OSBP2: variants seen among roughly 807,000 people sequenced by gnomAD.
OSBP2 encodes the protein oxysterol-binding protein 2.
Under a neutral mutation model 96.0 loss-of-function variants are expected in OSBP2, and 66 were observed. The observed-to-expected ratio is 0.69, with a 90% CI of 0.56 to 0.84. The LOEUF is 0.84. Ranked by LOEUF, OSBP2 falls within the 40% of genes least tolerant of loss-of-function variation. OSBP2 has a pLI of 0.00. For missense variants in OSBP2, 1,038 were observed against 1,222.7 expected (o/e 0.85, Z 2.25); for synonymous variants, 525 against 520.9 (o/e 1.01, Z -0.11).
At chr22:30,840,887 A>G (rs752688656) in intron 2 of OSBP2, among the ~76,000 whole-genome samples, 1 of 152,016 alleles carries the variant, frequency 6.6e-6, no homozygotes, top group Non-Finnish European at 1.5e-5. Context: ...AACGTGGGCT[A>G]GGCGAGGTGA....
chr22:30,887,693 C>G, intron 4 of OSBP2, 75 bp downstream of exon 4: 3 of 1,265,868 alleles, frequency 2.4e-6, no homozygotes, highest in Non-Finnish European at 3.3e-6. Context: ...TTCTGCGCCC[C>G]CACATGCACA....
At chr22:30,696,429 G>T (rs1309679346) in intron 1 of OSBP2, among the ~76,000 whole-genome samples, 1 of 152,132 alleles carries the variant, frequency 6.6e-6, no homozygotes, top group East Asian at 1.9e-4. Context: ...CCTCCCCAAT[G>T]AATTTCTGTT....
At chr22:30,800,502 G>A (rs1386401325) in intron 2 of OSBP2, among the ~76,000 whole-genome samples, 1 of 152,164 alleles carries the variant, frequency 6.6e-6, no homozygotes, top group Non-Finnish European at 1.5e-5. Flanking sequence ...GGCGGACGGG[G>A]GATTTGCTTT....
At position 30,881,212 on chromosome 22, in the gene OSBP2, G is replaced by T. The variant is rs1254382578; in HGVS notation, c.1108-6214G>T. Among the ~76,000 whole-genome samples the T allele has an allele frequency of 6.6e-6, 1 of 152,130 alleles. No homozygotes were observed. The highest frequency in any genetic ancestry group is 1.9e-4 in the East Asian group (1 of 5,186). The stretch of plus-strand genomic sequence containing the variant: ...ACCAGAACCCTCTGTGCAGCACTTG[G>T]GGGTAGGCAGAAGGGGCAGGGCCAG... On this transcript the variant is annotated intron_variant, in intron 3 of 13. Transcript: ENST00000332585. The surrounding 1 kb of genome is among the most constrained non-coding windows in gnomAD (Gnocchi z 4.5).
At chr22:30,756,227 C>G (rs1185691821) in intron 2 of OSBP2, among the ~76,000 whole-genome samples, 10 of 152,272 alleles carry the variant, frequency 6.6e-5, no homozygotes, top group African/African-American at 2.4e-4. Context: ...GGGGTGAGTT[C>G]TTCCTCTCTC....
intron 2 of OSBP2, among the ~76,000 whole-genome samples, chr22:30,838,032 A>AT (rs897043568): frequency 1.3e-5 from 2 of 152,128 alleles, no homozygotes; most frequent in Non-Finnish European, 2.9e-5. Flanking sequence ...CGAGGTACAT[A>AT]TTTTTTCTAT....
chr22:30,814,659 C>G (rs2091058545), intron 2 of OSBP2, among the ~76,000 whole-genome samples: 1 of 152,068 alleles, frequency 6.6e-6, no homozygotes, highest in African/African-American at 2.4e-5. Context: ...AAACTCCTGA[C>G]CTCAGGTGAT....
chr22:30,734,084 C>T (rs1223765340), intron 1 of OSBP2, among the ~76,000 whole-genome samples: 2 of 152,100 alleles, frequency 1.3e-5, no homozygotes, highest in Admixed American at 6.6e-5. Flanking sequence ...AAACGACTCT[C>T]CTGCCTCAGC....
intron 2 of OSBP2, among the ~76,000 whole-genome samples, chr22:30,762,917 T>C (rs2090224048): frequency 6.6e-6 from 1 of 152,178 alleles, no homozygotes; most frequent in African/African-American, 2.4e-5. Context: ...CCTAGAAGCT[T>C]CAATTCTGTG....
At chr22:30,791,756 T>A (rs2090679312) in intron 2 of OSBP2, among the ~76,000 whole-genome samples, 1 of 152,084 alleles carries the variant, frequency 6.6e-6, no homozygotes, top group Non-Finnish European at 1.5e-5. Context: ...AATGGAAGAG[T>A]GTCTTAGCTA....
chr22:30,780,871 T>A (rs531743969), intron 2 of OSBP2, among the ~76,000 whole-genome samples: 2 of 152,210 alleles, frequency 1.3e-5, no homozygotes, highest in Non-Finnish European at 2.9e-5. Flanking sequence ...ACGACTCAAA[T>A]GTAAAAACCT....
chr22:30,859,600 C>T (rs979435490), intron 2 of OSBP2, among the ~76,000 whole-genome samples: 3 of 152,102 alleles, frequency 2.0e-5, no homozygotes, highest in East Asian at 3.9e-4. Context: ...CACATGCCAA[C>T]GAGGGCTGAA....
chr22:30,874,954 T>G (rs1477327737), intron 3 of OSBP2, among the ~76,000 whole-genome samples: 1 of 152,188 alleles, frequency 6.6e-6, no homozygotes, highest in Admixed American at 6.5e-5. Context: ...CCCAGTGGGC[T>G]TTGTGCTCCC....
chr22:30,865,090 A>G (rs1437038004), intron 2 of OSBP2, among the ~76,000 whole-genome samples: 1 of 152,174 alleles, frequency 6.6e-6, no homozygotes. Context: ...AAAAAGCTCC[A>G]CTTCTAAAAA....
chr22:30,751,964 G>A (rs1158711866), intron 2 of OSBP2, among the ~76,000 whole-genome samples: 7 of 152,130 alleles, frequency 4.6e-5, no homozygotes, highest in South Asian at 2.1e-4. Context: ...GGTCATCCTG[G>A]GGGAGGCGTG....
At chr22:30,884,078 G>C (rs2039759757) in intron 3 of OSBP2, among the ~76,000 whole-genome samples, 1 of 152,182 alleles carries the variant, frequency 6.6e-6, no homozygotes, top group Non-Finnish European at 1.5e-5. Context: ...TTGTATGATG[G>C]ACAGTGACTG....
At chr22:30,722,061 T>C (rs1259584310) in intron 1 of OSBP2, among the ~76,000 whole-genome samples, 1 of 152,162 alleles carries the variant, frequency 6.6e-6, no homozygotes, top group South Asian at 2.1e-4. Flanking sequence ...TCTGGATGTA[T>C]AGGCCCACAG....
chr22:30,855,015 A>G (rs2039053176), intron 2 of OSBP2, among the ~76,000 whole-genome samples: 1 of 152,174 alleles, frequency 6.6e-6, no homozygotes, highest in Non-Finnish European at 1.5e-5. Flanking sequence ...GAACTGTCAC[A>G]AGAACAGTAT....
At chr22:30,866,330 T>C (rs1316166833) in intron 2 of OSBP2, among the ~76,000 whole-genome samples, 1 of 152,224 alleles carries the variant, frequency 6.6e-6, no homozygotes, top group African/African-American at 2.4e-5. Flanking sequence ...AAGGGCAGCC[T>C]GCAGAAGCTA....
Sources: gnomAD v4.1 joint callset for allele counts (sites outside exome capture counted in the v4.1 genomes callset) on GRCh38, gnomAD v4.1.1 for gene constraint, Gnocchi (gnomAD v3.1) non-coding constraint, MANE v1.5 for transcripts, NCBI Gene and HGNC (gene_info 2026-07-23, HGNC 2026-07-21) for gene names.